Variants in VWA8 observed in about 807,000 individuals in gnomAD.
VWA8 encodes the protein von Willebrand factor A domain containing 8.
VWA8 carries 221 observed loss-of-function variants against 241.5 expected under a neutral mutation model. The observed-to-expected ratio is 0.91, with a 90% CI of 0.82 to 1.02. VWA8 has a LOEUF of 1.02. VWA8 is among the 50% of genes least tolerant of loss of function. The pLI is 0.00. For synonymous variants in VWA8, 852 were observed against 827.1 expected (o/e 1.03, Z -0.52); for missense variants, 2,322 against 2,328.7 (o/e 1.00, Z 0.06).
intron 37 of VWA8, among the ~76,000 whole-genome samples, chr13:41,622,394 T>A (rs1478628819): frequency 6.6e-6 from 1 of 152,192 alleles, no homozygotes; most frequent in Non-Finnish European, 1.5e-5. Context: ...GAAAAGCATT[T>A]GGAATGTACT....
At chr13:41,748,362 C>T (rs945199412) in intron 21 of VWA8, among the ~76,000 whole-genome samples, 3 of 152,160 alleles carry the variant, frequency 2.0e-5, no homozygotes, top group African/African-American at 7.2e-5. Context: ...TCCATTTCTT[C>T]TAGATTTTCT....
chr13:41,873,140 C>G (rs1453217009), intron 9 of VWA8, among the ~76,000 whole-genome samples: 1 of 151,894 alleles, frequency 6.6e-6, no homozygotes, highest in Non-Finnish European at 1.5e-5. Flanking sequence ...CCAACGAGAA[C>G]AAAGACATAA....
intron 1 of VWA8, among the ~76,000 whole-genome samples, chr13:41,960,182 A>C (rs529448301): frequency 2.0e-4 from 31 of 152,344 alleles, no homozygotes; most frequent in Admixed American, 1.4e-3. Context: ...AAATCAAAGC[A>C]TGTGATTCTA....
At chr13:41,823,861 T>A (rs967933226) in intron 14 of VWA8, among the ~76,000 whole-genome samples, 1 of 152,192 alleles carries the variant, frequency 6.6e-6, no homozygotes, top group Non-Finnish European at 1.5e-5. Flanking sequence ...AATATAATTG[T>A]TTAGAAACCG....
intron 26 of VWA8, among the ~76,000 whole-genome samples, chr13:41,711,923 G>A (rs1328127128): frequency 6.7e-6 from 1 of 149,304 alleles, no homozygotes. Flanking sequence ...TCATTTTGAA[G>A]AATTTGTTAA....
In VWA8 at chr13:41,699,152, G is replaced by A. The variant is rs1328917524; in HGVS notation, c.3483C>T (p.Ala1161=). ...TCACAAAAGGGTGCCAAACGCCATT[G>A]GCTGTTCTTGGGAAGATATCAAAAA... The part of the protein sequence containing the change: ...VDFFDIFPRT[A]NGVWHPFVTV... The change falls in exon 29 of 45, where the codon GCC becomes GCT. Residue 1161 remains alanine, a synonymous_variant. Transcript: ENST00000379310. 1.1e-5 allele frequency: 18 copies of A among 1,613,988 alleles called. No homozygotes were observed. The highest frequency in any genetic ancestry group is 1.4e-5 in the Non-Finnish European group (16 of 1,180,004).
intron 12 of VWA8, among the ~76,000 whole-genome samples, chr13:41,841,671 A>G (rs1294557815): frequency 1.3e-5 from 2 of 148,804 alleles, no homozygotes; most frequent in Admixed American, 6.7e-5. Flanking sequence ...CTGTAGTCCC[A>G]GCTACTCGGG....
At chr13:41,774,361 TCAAACTCC>T (rs2137924733) in intron 20 of VWA8, among the ~76,000 whole-genome samples, 1 of 152,364 alleles carries the variant, frequency 6.6e-6, no homozygotes, top group African/African-American at 2.4e-5. Context: ...CAGGCTGGTC[TCAAACTCC>T]TGGCCTCAAC....
At chr13:41,708,296 G>A (rs1278372358) in intron 26 of VWA8, among the ~76,000 whole-genome samples, 1 of 152,084 alleles carries the variant, frequency 6.6e-6, no homozygotes, top group African/African-American at 2.4e-5. Flanking sequence ...GGGAGGCAGA[G>A]GTTGCAGTGA....
chr13:41,862,774 A>G (rs1404370660), intron 12 of VWA8, among the ~76,000 whole-genome samples: 2 of 152,212 alleles, frequency 1.3e-5, no homozygotes, highest in Non-Finnish European at 2.9e-5. Flanking sequence ...GTCAAAAAAT[A>G]ACAGATATTG....
chr13:41,930,822 G>A (rs188943616), intron 2 of VWA8, among the ~76,000 whole-genome samples: 2 of 152,250 alleles, frequency 1.3e-5, no homozygotes, highest in East Asian at 3.9e-4. Context: ...CTGGTCCCAA[G>A]CATTTCAGAT....
intron 12 of VWA8, among the ~76,000 whole-genome samples, chr13:41,843,738 G>C (rs1349615202): frequency 6.6e-6 from 1 of 151,930 alleles, no homozygotes; most frequent in Non-Finnish European, 1.5e-5. Flanking sequence ...AGAAAATCTA[G>C]AGGAAATGGA....
intron 44 of VWA8, 186 bp from the exon 45 acceptor site, chr13:41,568,491 A>AG: frequency 4.1e-6 from 2 of 485,738 alleles, no homozygotes; most frequent in Non-Finnish European, 3.6e-6. Flanking sequence ...AAGAGCAACA[A>AG]GGAAAGACAC....
rs56804703 is a variant in VWA8, at chr13:41,723,762, C to T, written c.2759-2187G>A. ...AAGTTCATCATGGACATGTTAAATT[C>T]GAGATACAGGAGCTATTGAACTGGA... On this transcript the variant is annotated intron_variant, in intron 24 of 44. Transcript: ENST00000379310. Among the ~76,000 whole-genome samples, 1,405 of 147,772 alleles carry T rather than the reference C, an allele frequency of 9.5e-3. 32 individuals carry two copies. Among genetic ancestry groups the T allele is most frequent in the African/African-American group, 0.031 (1,266 of 41,302 alleles).
intron 21 of VWA8, 42 bp from the exon 22 acceptor site, chr13:41,732,197 A>G (rs772451545): frequency 1.3e-6 from 2 of 1,561,170 alleles, no homozygotes; most frequent in African/African-American, 1.4e-5. Flanking sequence ...GAAGGAAATA[A>G]GCTGATGATT....
intron 18 of VWA8, among the ~76,000 whole-genome samples, chr13:41,786,255 T>C (rs1467727852): frequency 6.6e-6 from 1 of 152,194 alleles, no homozygotes; most frequent in African/African-American, 2.4e-5. Flanking sequence ...CAAAATATTA[T>C]ATGACAACTG....
intron 12 of VWA8, among the ~76,000 whole-genome samples, chr13:41,861,762 T>G (rs1241653210): frequency 2.0e-5 from 3 of 152,084 alleles, no homozygotes. Flanking sequence ...ATCTTTTCTC[T>G]GCAACAAGAA....
chr13:41,764,920 T>C (rs2045769124), intron 20 of VWA8, among the ~76,000 whole-genome samples: 1 of 151,720 alleles, frequency 6.6e-6, no homozygotes, highest in Non-Finnish European at 1.5e-5. Flanking sequence ...TACGGTGGAG[T>C]CTGGTAGAGA....
chr13:41,940,824 T>A (rs1216011408), intron 2 of VWA8, among the ~76,000 whole-genome samples: 1 of 152,190 alleles, frequency 6.6e-6, no homozygotes, highest in South Asian at 2.1e-4. Flanking sequence ...ATAAAATATA[T>A]GGTACCATCA....
Sources: gnomAD v4.1 joint callset for allele counts (sites outside exome capture counted in the v4.1 genomes callset) on GRCh38, gnomAD v4.1.1 for gene constraint, MANE v1.5 for transcripts, NCBI Gene and HGNC (gene_info 2026-07-23, HGNC 2026-07-21) for gene names.